The following RWDD3 variants were observed in gnomAD, a reference collection of about 807,000 sequenced individuals.
The protein encoded by RWDD3 is RWD domain-containing protein 3.
Under a neutral mutation model 26.5 loss-of-function variants are expected in RWDD3, and 30 were observed. The ratio of observed to expected loss-of-function variants is 1.13; its 90% CI spans 0.85 to 1.54. RWDD3 has a LOEUF of 1.54. Ranked by LOEUF, RWDD3 falls within the 40% of genes most tolerant of loss-of-function variation. The pLI is 0.00. For missense variants in RWDD3, 296 were observed against 309.1 expected (o/e 0.96, Z 0.32); for synonymous variants, 113 against 114.5 (o/e 0.99, Z 0.09).
At chr1:95,241,576 C>G (rs901647376) in intron 1 of RWDD3, among the ~76,000 whole-genome samples, 1 of 152,174 alleles carries the variant, frequency 6.6e-6, no homozygotes, top group Admixed American at 6.5e-5. Context: ...CCAAGGCTGT[C>G]GGTTATGCAA....
At position 95,244,339 on chromosome 1, in the gene RWDD3, T is replaced by C. The variant is rs1402440905; in HGVS notation, c.214T>C (p.Ser72Pro). 7 of 1,614,180 alleles carry C rather than the reference T, an allele frequency of 4.3e-6. No homozygotes were observed. In the South Asian group the frequency reaches 6.6e-5, roughly 15 times the overall value. Residue 72 changes from serine to proline, a missense_variant, in exon 2 of 4, where the codon TCT (serine) becomes CCT (proline). Physicochemically the swap from Ser to Pro is moderately conservative, Grantham distance 74. Coordinates refer to ENST00000370202, the MANE Select transcript of RWDD3 (RefSeq NM_015485.5). Reference sequence around the variant, plus strand: ...ATGTCTACCTGGTATCTCGATTAACTCTGAACAGTTGACCAGGGCCCAGTG... The same window carrying C: ...ATGTCTACCTGGTATCTCGATTAACCCTGAACAGTTGACCAGGGCCCAGTG... ...PSCLPGISIN[S>P]EQLTRAQCVT... is the part of the protein sequence containing the mutation.
chr1:95,239,818 C>T, intron 1 of RWDD3: 1 of 1,289,376 alleles, frequency 7.8e-7, no homozygotes. Context: ...TTGGTAAGGA[C>T]TGACATGGCT....
chr1:95,234,704 G>T (rs190681024), intron 1 of RWDD3, among the ~76,000 whole-genome samples: 12 of 147,100 alleles, frequency 8.2e-5, no homozygotes, highest in Admixed American at 6.2e-4. Flanking sequence ...AGGCCCCCCC[G>T]AGAGCACTCC....
chr1:95,246,911 T>G lies in RWDD3; in HGVS notation c.*41T>G, dbSNP rs761893335. ...TCTTTTAGTAAAATAGCAGTGTTTT[T>G]TGTTGTTTTTGCATTGGATTTGGGG... On this transcript the variant is annotated 3_prime_UTR_variant, in exon 4 of 4. Transcript: ENST00000370202. 1 of 1,244,622 alleles carries G rather than the reference T, an allele frequency of 8.0e-7. No individual in the cohort carries two copies. Among genetic ancestry groups the G allele is most frequent in the South Asian group, 1.6e-5 (1 of 60,622 alleles). 77.1% of individuals were successfully genotyped at this position (1,244,622 alleles called of 1,614,324 possible). A position where few individuals can be genotyped will look rare whatever the true frequency, so the allele number is the denominator to read the frequency against.
intron 1 of RWDD3, among the ~76,000 whole-genome samples, chr1:95,239,439 A>G (rs1425845589): frequency 5.3e-5 from 8 of 152,230 alleles, no homozygotes; most frequent in Admixed American, 5.2e-4. Context: ...ATGGAAGAGT[A>G]CAATACATAC....
intron 1 of RWDD3, among the ~76,000 whole-genome samples, chr1:95,238,406 T>C (rs546034748): frequency 6.7e-6 from 1 of 150,374 alleles, no homozygotes; most frequent in South Asian, 2.1e-4. Context: ...TTTAGCTTCA[T>C]TTATTTTTAG....
chr1:95,238,724 CT>C (rs1264839618), intron 1 of RWDD3, among the ~76,000 whole-genome samples: 1 of 151,750 alleles, frequency 6.6e-6, no homozygotes, highest in Non-Finnish European at 1.5e-5. Flanking sequence ...TAAATTTTAC[CT>C]TTTTTTAAAA....
chr1:95,243,199 C>T (rs767415120), intron 1 of RWDD3: 1 of 152,104 alleles, frequency 6.6e-6, no homozygotes, highest in Non-Finnish European at 1.5e-5. Context: ...GTAGCAATGG[C>T]TTTTATATAT....
intron 1 of RWDD3, among the ~76,000 whole-genome samples, chr1:95,242,043 T>A (rs1680651922): frequency 6.6e-6 from 1 of 152,242 alleles, no homozygotes; most frequent in African/African-American, 2.4e-5. Context: ...TTACTGAAGC[T>A]ATGCACCACC....
chr1:95,242,860 A>G lies in RWDD3; in HGVS notation c.86-1351A>G, dbSNP rs529894150. 5.3e-5 allele frequency among the ~76,000 whole-genome samples: 8 copies of G among 152,224 alleles called. No homozygotes were observed. In the East Asian group the frequency reaches 1.5e-3, roughly 29 times the overall value. ...CTTGAACCTGGCAGGCGGAGGTTGCAGTGAGCCGAGATCATGCCACTGCAC... is the reference window on the plus strand; with the variant it reads ...CTTGAACCTGGCAGGCGGAGGTTGCGGTGAGCCGAGATCATGCCACTGCAC... On this transcript the variant is annotated intron_variant, in intron 1 of 3. Transcript: ENST00000370202.
At chr1:95,234,974 C>T (rs984623114) in intron 1 of RWDD3, among the ~76,000 whole-genome samples, 13 of 152,034 alleles carry the variant, frequency 8.6e-5, no homozygotes, top group African/African-American at 2.9e-4. Flanking sequence ...CTCACTGCAG[C>T]CTCCGCCTCC....
intron 1 of RWDD3, chr1:95,239,656 C>A (rs1013111938): frequency 8.1e-6 from 7 of 861,552 alleles, no homozygotes; most frequent in Non-Finnish European, 1.1e-5. Context: ...AATGCTAATC[C>A]TTTCCAATTC....
intron 1 of RWDD3, among the ~76,000 whole-genome samples, chr1:95,235,604 C>T (rs1680305134): frequency 6.6e-6 from 1 of 151,846 alleles, no homozygotes; most frequent in South Asian, 2.1e-4. Flanking sequence ...GTGATCCGCG[C>T]GTCTCGGCCT....
At chr1:95,241,012 C>T (rs972505515) in intron 1 of RWDD3, among the ~76,000 whole-genome samples, 2 of 151,806 alleles carry the variant, frequency 1.3e-5, no homozygotes, top group African/African-American at 4.8e-5. Flanking sequence ...CACCCTGCTG[C>T]ACTCTAGCAT....
chr1:95,243,781 A>C (rs1680731579), intron 1 of RWDD3, among the ~76,000 whole-genome samples: 1 of 152,214 alleles, frequency 6.6e-6, no homozygotes, highest in African/African-American at 2.4e-5. Flanking sequence ...ACTTCTCATA[A>C]AATGACTTTC....
intron 1 of RWDD3, among the ~76,000 whole-genome samples, 199 bp downstream of exon 1, chr1:95,234,514 C>T (rs1483674208): frequency 6.6e-6 from 1 of 152,070 alleles, no homozygotes; most frequent in Non-Finnish European, 1.5e-5. Flanking sequence ...CCCAGAAACA[C>T]TAAGAGAGCG....
At chr1:95,244,784 A>G in intron 2 of RWDD3, 86 bp downstream of exon 2, 11 of 1,368,298 alleles carry the variant, frequency 8.0e-6, no homozygotes, top group Non-Finnish European at 1.1e-5. Flanking sequence ...TAACAATGGG[A>G]TAGATTAATT....
At chr1:95,241,010 T>A (rs953209513) in intron 1 of RWDD3, among the ~76,000 whole-genome samples, 4 of 151,808 alleles carry the variant, frequency 2.6e-5, no homozygotes, top group African/African-American at 9.7e-5. Flanking sequence ...ATCACCCTGC[T>A]GCACTCTAGC....
At chr1:95,234,182 C>T (rs769330551), upstream of RWDD3, 57 of 1,532,056 alleles carry the variant, frequency 3.7e-5, no homozygotes, top group South Asian at 2.8e-4. Context: ...GTGGAGGCGG[C>T]GGCTGCGGCA....
Sources: allele counts gnomAD v4.1 joint callset (sites outside exome capture counted in the v4.1 genomes callset), GRCh38; gene constraint gnomAD v4.1.1; transcripts MANE v1.5; gene names NCBI Gene and HGNC (gene_info 2026-07-23, HGNC 2026-07-21).